Variants in PCDHA11 observed in about 807,000 individuals in gnomAD.
PCDHA11 encodes the protein protocadherin alpha-11.
A neutral mutation model predicts 70.3 loss-of-function variants in PCDHA11; 61 were observed. That is an observed-to-expected ratio of 0.87 (90% CI 0.71 to 1.07). The LOEUF (loss-of-function observed/expected upper bound fraction) is 1.07. PCDHA11 is among the 50% of genes least tolerant of loss of function. The pLI is 0.00. For missense variants in PCDHA11, 1,324 were observed against 1,237.5 expected, an observed-to-expected ratio of 1.07 and a Z score of -1.05; for synonymous variants, 633 against 555.1, an observed-to-expected ratio of 1.14 and a Z score of -1.97.
chr5:140,947,035 A>T (rs2094072055), intron 1 of PCDHA11, among the ~76,000 whole-genome samples: 1 of 151,748 alleles, frequency 6.6e-6, no homozygotes, highest in Admixed American at 6.6e-5. Flanking sequence ...GGATATACTA[A>T]TTACCCTGAT....
chr5:140,884,563 T>TAAGACG (rs2060266286), intron 1 of PCDHA11: 9 of 1,614,032 alleles, frequency 5.6e-6, no homozygotes, highest in Non-Finnish European at 7.6e-6. Context: ...AGGGCCCGCA[T>TAAGACG]AAGACGGACC....
chr5:140,916,084 C>T (rs1330761804), intron 1 of PCDHA11, among the ~76,000 whole-genome samples: 3 of 152,186 alleles, frequency 2.0e-5, no homozygotes, highest in Non-Finnish European at 4.4e-5. Flanking sequence ...TACCACTGGT[C>T]CACAGGGAAT....
chr5:140,978,440 T>C, intron 1 of PCDHA11, among the ~76,000 whole-genome samples: 1 of 152,244 alleles, frequency 6.6e-6, no homozygotes. Context: ...GCTGGTGTTA[T>C]GACTGGGCAC....
chr5:140,963,300 TAAG>T (rs1387833703), intron 1 of PCDHA11, among the ~76,000 whole-genome samples: 2 of 152,120 alleles, frequency 1.3e-5, no homozygotes, highest in African/African-American at 4.8e-5. Flanking sequence ...GGAGAGAAAA[TAAG>T]AAGCTGTTTG....
intron 3 of PCDHA11, among the ~76,000 whole-genome samples, chr5:140,986,669 G>C (rs1448376850): frequency 6.6e-6 from 1 of 152,138 alleles, no homozygotes; most frequent in African/African-American, 2.4e-5. Flanking sequence ...ACAGTTTTCA[G>C]AAGAGTTCAG....
Position 140,906,732 on chromosome 5 carries a change from T to G in PCDHA11, c.2391+35238T>G, listed in dbSNP as rs535007647. On this transcript the variant is annotated intron_variant, in intron 1 of 3. Coordinates refer to ENST00000398640, the MANE Select transcript of PCDHA11 (RefSeq NM_018902.5). ...CTGCCTGGATTGTGCTGTTGTAGTT[T>G]CCCATTGACACAGGGCATGGTAATA... Among the ~76,000 whole-genome samples, 14 of 152,296 alleles carry G rather than the reference T, an allele frequency of 9.2e-5. No individual in the cohort carries two copies. The South Asian group carries it at 2.7e-3, about 29-fold the overall frequency.
At chr5:140,884,049 TGC>T (rs1554181152) in intron 1 of PCDHA11, 1 of 1,613,414 alleles carries the variant, frequency 6.2e-7, no homozygotes. Context: ...GTGGCGAAGG[TGC>T]GCGCGGTGGA....
intron 1 of PCDHA11, chr5:140,882,902 C>T (rs1554176043): frequency 6.2e-7 from 1 of 1,614,196 alleles, no homozygotes; most frequent in Admixed American, 1.7e-5. Flanking sequence ...TAGTTTATTA[C>T]TGACAGCCAG....
At position 140,870,382 on chromosome 5, in the gene PCDHA11, C is replaced by T; in HGVS notation, c.1279C>T (p.Arg427Trp). Residue 427 changes from arginine to tryptophan, a missense_variant, in exon 1 of 4, where the codon CGG becomes TGG. Physicochemically the swap from Arg to Trp is moderately radical, Grantham distance 101. Transcript: ENST00000398640. The part of the protein sequence containing the change: ...VWAYELVVTA[R>W]DGGSPSLWAT... ...GGCCTATGAACTGGTGGTGACTGCG[C>T]GGGATGGGGGTTCGCCTTCTCTGTG... 1 of 1,614,178 alleles carries T rather than the reference C, an allele frequency of 6.2e-7. No individual in the cohort carries two copies. The highest frequency in any genetic ancestry group is 8.5e-7 in the Non-Finnish European group (1 of 1,180,040).
rs1554163708 is a variant in PCDHA11, at chr5:140,870,016, G to T, written c.913G>T (p.Gly305Ter). 1 of 1,613,566 alleles carries T rather than the reference G, an allele frequency of 6.2e-7. No individual in the cohort carries two copies. The highest frequency in any genetic ancestry group is 1.3e-5 in the African/African-American group (1 of 75,000). Reference protein sequence around the residue: ...DQNNGEVRVNGTLDYEENKFY... With the variant: ...DQNNGEVRVN ...AAATAATGGAGAAGTGAGGGTCAAT[G>T]GAACTTTAGATTATGAAGAAAACAA... Residue 305 changes from glycine to a stop codon, truncating the protein, a stop_gained, in exon 1 of 4, where the codon GGA (glycine) becomes TGA (stop). Transcript: ENST00000398640. LOFTEE classifies it high-confidence loss of function.
At position 140,869,580 on chromosome 5, in the gene PCDHA11, T is replaced by C. The variant is rs1325973038; in HGVS notation, c.477T>C (p.Asp159=). The change falls in exon 1 of 4, where the codon GAT becomes GAC. Residue 159 remains aspartate, a synonymous_variant. Transcript: ENST00000398640. ...GTTTTCCACTAGAGGGAGCTTCTGA[T>C]GCTGACATTGAAGAGAATGCTCTAT... is the stretch of plus-strand genomic sequence containing the variant. ...DSRFPLEGAS[D]ADIEENALLT... 4 of 1,614,046 alleles carry C rather than the reference T, an allele frequency of 2.5e-6. No individual in the cohort carries two copies. Among genetic ancestry groups the C allele is most frequent in the Non-Finnish European group, 3.4e-6 (4 of 1,180,028 alleles).
At chr5:140,966,845 C>A in intron 1 of PCDHA11, 1 of 1,570,444 alleles carries the variant, frequency 6.4e-7, no homozygotes, top group Non-Finnish European at 8.6e-7. Flanking sequence ...GCTGCTACTG[C>A]CTCTCCTGCT....
At chr5:140,973,068 G>T (rs1563422416) in intron 1 of PCDHA11, among the ~76,000 whole-genome samples, 1 of 152,140 alleles carries the variant, frequency 6.6e-6, no homozygotes, top group Non-Finnish European at 1.5e-5. Context: ...CAGTGTCTCA[G>T]TGGGCCCAGC....
intron 1 of PCDHA11, among the ~76,000 whole-genome samples, chr5:140,956,777 G>A (rs1470027067): frequency 6.6e-6 from 1 of 152,022 alleles, no homozygotes; most frequent in Admixed American, 6.6e-5. Context: ...GTCTGGTCCT[G>A]GGCTTTGTTT....
intron 1 of PCDHA11, among the ~76,000 whole-genome samples, chr5:140,898,854 C>G (rs1467228131): frequency 2.0e-5 from 3 of 152,150 alleles, no homozygotes; most frequent in Admixed American, 6.6e-5. Flanking sequence ...TTTGTATCCT[C>G]TTTTATTTCA....
chr5:140,904,502 G>T (rs1554191560), intron 1 of PCDHA11, among the ~76,000 whole-genome samples: 2 of 151,770 alleles, frequency 1.3e-5, no homozygotes, highest in African/African-American at 4.8e-5. Flanking sequence ...TTTTACAATT[G>T]TGAATTGTGC....
intron 1 of PCDHA11, among the ~76,000 whole-genome samples, chr5:140,912,342 TA>T (rs1371454067): frequency 9.7e-5 from 12 of 123,478 alleles, no homozygotes; most frequent in African/African-American, 4.4e-4. Context: ...GTACACTAAG[TA>T]TTTTTTTTTT....
intron 1 of PCDHA11, among the ~76,000 whole-genome samples, chr5:140,921,801 A>T (rs1450383901): frequency 6.6e-6 from 1 of 152,286 alleles, no homozygotes. Context: ...ATAACACAAG[A>T]TAAGATACAT....
chr5:140,905,158 T>C (rs2071634583), intron 1 of PCDHA11, among the ~76,000 whole-genome samples: 1 of 152,256 alleles, frequency 6.6e-6, no homozygotes, highest in South Asian at 2.1e-4. Context: ...TTTAGAATTT[T>C]CATGGTTTCA....
Sources: allele counts gnomAD v4.1 joint callset (sites outside exome capture counted in the v4.1 genomes callset), GRCh38; gene constraint gnomAD v4.1.1; transcripts MANE v1.5; gene names NCBI Gene and HGNC (gene_info 2026-07-23, HGNC 2026-07-21).